Variants in WNK3 observed in about 807,000 individuals in gnomAD.
The protein encoded by WNK3 is serine/threonine-protein kinase WNK3.
Under a neutral mutation model 116.7 loss-of-function variants are expected in WNK3, and 18 were observed. The ratio of observed to expected loss-of-function variants is 0.15; its 90% CI spans 0.11 to 0.23. The LOEUF is 0.23. Ranked by LOEUF, WNK3 falls within the 10% of genes least tolerant of loss-of-function variation. The pLI, the probability that WNK3 is intolerant of heterozygous loss-of-function variation, is 1.00. For missense variants in WNK3, 993 were observed against 1,323.8 expected, an observed-to-expected ratio of 0.75 and a Z score of 3.88; for synonymous variants, 404 against 469.4, an observed-to-expected ratio of 0.86 and a Z score of 1.80.
intron 10 of WNK3, among the ~76,000 whole-genome samples, chrX:54,265,861 T>C (rs1210031875): frequency 1.8e-5 from 2 of 112,078 alleles, no homozygotes; most frequent in African/African-American, 6.5e-5. Flanking sequence ...CTGGCCAACA[T>C]GGTGAAACCT....
At chrX:54,316,625 G>A (rs1308830267) in intron 2 of WNK3, among the ~76,000 whole-genome samples, 1 of 107,965 alleles carries the variant, frequency 9.3e-6, no homozygotes, top group African/African-American at 3.4e-5. Flanking sequence ...GCCCTCACCA[G>A]AAACCCACCA....
intron 10 of WNK3, among the ~76,000 whole-genome samples, chrX:54,270,694 G>A (rs1238687340): frequency 3.7e-5 from 4 of 109,392 alleles, no homozygotes; most frequent in South Asian, 3.9e-4. Context: ...TTTAAGCTCC[G>A]CATGCATTAG....
chrX:54,348,207 C>T (rs1001219595), intron 1 of WNK3, among the ~76,000 whole-genome samples: 17 of 110,006 alleles, frequency 1.5e-4, no homozygotes, highest in Non-Finnish European at 2.5e-4. Context: ...AAGACAGTCT[C>T]GCTCTGTCAT....
At chrX:54,343,085 A>T (rs1417912270) in intron 1 of WNK3, among the ~76,000 whole-genome samples, 2 of 110,743 alleles carry the variant, frequency 1.8e-5, no homozygotes, top group Non-Finnish European at 3.8e-5. Context: ...TCCTGGGCTC[A>T]AGCAATCTGC....
At chrX:54,273,244 A>G (rs1271355068) in intron 10 of WNK3, among the ~76,000 whole-genome samples, 1 of 112,461 alleles carries the variant, frequency 8.9e-6, no homozygotes, top group Non-Finnish European at 1.9e-5. Flanking sequence ...GAACGTATAC[A>G]TCTGTCTTAC....
chrX:54,339,404 A>G (rs2069288917), intron 1 of WNK3, among the ~76,000 whole-genome samples: 1 of 111,460 alleles, frequency 9.0e-6, no homozygotes, highest in Non-Finnish European at 1.9e-5. Context: ...AAGCACACAT[A>G]GAACATTCTC....
chrX:54,306,689 CAGG>C (rs2068829277), intron 5 of WNK3, among the ~76,000 whole-genome samples: 1 of 110,674 alleles, frequency 9.0e-6, no homozygotes, highest in South Asian at 3.8e-4. Flanking sequence ...TGCAGTTAGA[CAGG>C]AGGAGTAGGT....
At chrX:54,304,207 C>T (rs1411971987) in intron 5 of WNK3, among the ~76,000 whole-genome samples, 3 of 110,442 alleles carry the variant, frequency 2.7e-5, no homozygotes, top group Non-Finnish European at 5.7e-5. Context: ...TTCCAGTTTA[C>T]ATCTCTAACA....
At chrX:54,257,832 T>C (rs1259633206) in intron 11 of WNK3, among the ~76,000 whole-genome samples, 1 of 97,780 alleles carries the variant, frequency 1.0e-5, no homozygotes, top group Non-Finnish European at 2.0e-5. Flanking sequence ...AAATAGGATC[T>C]ACAGTCACCT....
At chrX:54,204,849 A>G (rs905977525) in intron 22 of WNK3, among the ~76,000 whole-genome samples, 5 of 112,345 alleles carry the variant, frequency 4.5e-5, no homozygotes, top group Non-Finnish European at 7.5e-5. Context: ...TCTTAGAAAT[A>G]TTTTTGTGCC....
intron 5 of WNK3, 46 bp from the exon 6 acceptor site, chrX:54,301,905 C>T (rs782146103): frequency 2.2e-6 from 2 of 918,186 alleles, no homozygotes; most frequent in African/African-American, 3.9e-5. Context: ...CAATTGAAAG[C>T]CCAAGTCAAC....
intron 1 of WNK3, among the ~76,000 whole-genome samples, chrX:54,347,728 C>T (rs2069455777): frequency 9.8e-6 from 1 of 102,487 alleles, no homozygotes; most frequent in Non-Finnish European, 2.0e-5. Context: ...ATATATAAAA[C>T]ACAATGTATG....
chrX:54,271,689 C>T (rs2147022842), intron 10 of WNK3, among the ~76,000 whole-genome samples: 1 of 112,086 alleles, frequency 8.9e-6, no homozygotes, highest in East Asian at 2.8e-4. Flanking sequence ...CCCAAAACAA[C>T]AGTTTGCCTT....
intron 10 of WNK3, among the ~76,000 whole-genome samples, chrX:54,266,006 A>G (rs1361366621): frequency 1.2e-4 from 14 of 112,691 alleles, no homozygotes; most frequent in African/African-American, 4.2e-4. Flanking sequence ...AGCGAAAAAA[A>G]AAAAGAGCTG....
chrX:54,221,855 A>C (rs782523847), intron 22 of WNK3, among the ~76,000 whole-genome samples: 32 of 107,299 alleles, frequency 3.0e-4, no homozygotes, highest in African/African-American at 6.1e-4. Flanking sequence ...AACCAACCAA[A>C]CAAACAAACA....
chrX:54,270,377 C>A (rs782448648), intron 10 of WNK3, among the ~76,000 whole-genome samples: 1 of 106,419 alleles, frequency 9.4e-6, no homozygotes, highest in Non-Finnish European at 1.9e-5. Flanking sequence ...AGATTACAGG[C>A]GTGAGCCACA....
At chrX:54,215,374 T>C (rs1466596926) in intron 22 of WNK3, among the ~76,000 whole-genome samples, 1 of 112,040 alleles carries the variant, frequency 8.9e-6, no homozygotes, top group African/African-American at 3.2e-5. Flanking sequence ...TATTTTTTGG[T>C]GGAGACGGGT....
At chrX:54,266,281 G>A (rs1164838344) in intron 10 of WNK3, among the ~76,000 whole-genome samples, 2 of 110,588 alleles carry the variant, frequency 1.8e-5, no homozygotes, top group East Asian at 5.6e-4. Flanking sequence ...TAGAAGGATG[G>A]TTACCAGAGG....
chrX:54,237,122 T>G, exon 20 of WNK3: 1 of 1,212,061 alleles, frequency 8.3e-7, no homozygotes, highest in African/African-American at 1.7e-5. Flanking sequence ...GACTTTCCAC[T>G]GCCAGCAAGA....
Sources: gnomAD v4.1 joint callset for allele counts (sites outside exome capture counted in the v4.1 genomes callset) on GRCh38, gnomAD v4.1.1 for gene constraint, MANE v1.5 for transcripts, NCBI Gene and HGNC (gene_info 2026-07-23, HGNC 2026-07-21) for gene names.